Variants in PRKCH observed in about 807,000 individuals in gnomAD.
PRKCH encodes the protein protein kinase C eta type.
PRKCH carries 28 observed loss-of-function variants against 82.5 expected under a neutral mutation model. The ratio of observed to expected loss-of-function variants is 0.34; its 90% CI spans 0.25 to 0.47. PRKCH has a LOEUF of 0.47. PRKCH is among the 20% of genes least tolerant of loss of function. The pLI is 1.00. For synonymous variants in PRKCH, 322 were observed against 327.4 expected, an observed-to-expected ratio of 0.98 and a Z score of 0.18; for missense variants, 705 against 881.8, an observed-to-expected ratio of 0.80 and a Z score of 2.54.
intron 1 of PRKCH, chr14:61,360,953 A>G (rs1377637909): frequency 2.0e-5 from 3 of 152,230 alleles, no homozygotes; most frequent in African/African-American, 4.8e-5. Flanking sequence ...TCTCACATAC[A>G]CTGTTCAAGT....
intron 13 of PRKCH, among the ~76,000 whole-genome samples, chr14:61,548,192 G>A (rs2043283785): frequency 6.6e-6 from 1 of 152,244 alleles, no homozygotes; most frequent in Non-Finnish European, 1.5e-5. Flanking sequence ...TTCCCCAAAA[G>A]AGTTTGGCTA....
intron 1 of PRKCH, among the ~76,000 whole-genome samples, chr14:61,225,890 C>A (rs1297357135): frequency 6.6e-6 from 1 of 152,136 alleles, no homozygotes; most frequent in Non-Finnish European, 1.5e-5. Flanking sequence ...AGGTGTGTGC[C>A]ACCAACACTC....
At chr14:61,423,304 G>A (rs775941405) in intron 2 of PRKCH, among the ~76,000 whole-genome samples, 26 of 152,294 alleles carry the variant, frequency 1.7e-4, no homozygotes, top group Non-Finnish European at 2.8e-4. Flanking sequence ...CACTCATTAC[G>A]ACAGACCCTG....
chr14:61,206,379 T>C (rs2044524063), intron 1 of PRKCH, among the ~76,000 whole-genome samples: 1 of 152,218 alleles, frequency 6.6e-6, no homozygotes, highest in African/African-American at 2.4e-5. Flanking sequence ...CATCTTGACA[T>C]TGCCTTTTTC....
chr14:61,302,699 G>A (rs867567738), intron 1 of PRKCH, among the ~76,000 whole-genome samples: 1 of 152,050 alleles, frequency 6.6e-6, no homozygotes, highest in African/African-American at 2.4e-5. Context: ...ATATCTTATT[G>A]TTATTGATTT....
chr14:61,390,221 C>A (rs910597837), intron 1 of PRKCH, among the ~76,000 whole-genome samples: 2 of 152,182 alleles, frequency 1.3e-5, no homozygotes, highest in African/African-American at 4.8e-5. Flanking sequence ...TGCTGTTCAT[C>A]CTGGGCGCCA....
chr14:61,281,461 A>T (rs1255600624), intron 1 of PRKCH: 1 of 225,058 alleles, frequency 4.4e-6, no homozygotes, highest in Admixed American at 5.9e-5. Flanking sequence ...CACCTGGTAG[A>T]CTCAGTCTCG....
intron 9 of PRKCH, chr14:61,463,506 T>A (rs1885120498): frequency 6.6e-6 from 1 of 152,186 alleles, no homozygotes; most frequent in Non-Finnish European, 1.5e-5. Flanking sequence ...ATACACTGCT[T>A]ACAAGTATAT....
chr14:61,311,737 A>G (rs1808534806), intron 1 of PRKCH, among the ~76,000 whole-genome samples: 1 of 152,216 alleles, frequency 6.6e-6, no homozygotes, highest in Admixed American at 6.5e-5. Flanking sequence ...GGGAGACCTC[A>G]GGAAACTTAT....
rs139720349 is a variant in PRKCH at position 61,507,997 on chromosome 14, C to T, written c.1434-21078C>T. On this transcript the variant is annotated intron_variant, in intron 10 of 13. Coordinates refer to ENST00000332981, the MANE Select transcript of PRKCH (RefSeq NM_006255.5). ...TTGAAGATTATGTACAGGTTTATTG[C>T]ACTGACAGTAGTGATGATTTTACAG... Among the ~76,000 whole-genome samples the T allele has an allele frequency of 1.1e-3, 173 of 152,184 alleles. 1 individual carries two copies. Among genetic ancestry groups the T allele is most frequent in the African/African-American group, 3.9e-3 (161 of 41,468 alleles).
intron 2 of PRKCH, among the ~76,000 whole-genome samples, chr14:61,404,100 T>C (rs894435456): frequency 1.3e-5 from 2 of 152,186 alleles, no homozygotes; most frequent in East Asian, 1.9e-4. Context: ...CCTGTGTCAG[T>C]GGACAGGTAG....
chr14:61,549,551 A>G (rs1235136209), intron 13 of PRKCH, 134 bp from the exon 14 acceptor site: 5 of 993,108 alleles, frequency 5.0e-6, no homozygotes, highest in East Asian at 4.8e-5. Flanking sequence ...CATCATAACA[A>G]TAACTGTAAA....
intron 10 of PRKCH, among the ~76,000 whole-genome samples, chr14:61,527,740 A>G (rs2042985243): frequency 6.6e-6 from 1 of 152,094 alleles, no homozygotes; most frequent in African/African-American, 2.4e-5. Context: ...GAGATTTTTC[A>G]TGGCCCCAGC....
intron 1 of PRKCH, among the ~76,000 whole-genome samples, chr14:61,232,661 T>C (rs2044753741): frequency 6.6e-6 from 1 of 152,224 alleles, no homozygotes; most frequent in Admixed American, 6.5e-5. Flanking sequence ...TCTGTTCCCC[T>C]TCTTTGATGC....
At chr14:61,240,265 C>T (rs1380792541) in intron 1 of PRKCH, among the ~76,000 whole-genome samples, 1 of 152,164 alleles carries the variant, frequency 6.6e-6, no homozygotes, top group Admixed American at 6.5e-5. Context: ...AGCCTCCAAA[C>T]AGAGAAACCC....
At chr14:61,433,910 CTCT>C (rs1485678747) in intron 2 of PRKCH, among the ~76,000 whole-genome samples, 1 of 152,168 alleles carries the variant, frequency 6.6e-6, no homozygotes, top group Non-Finnish European at 1.5e-5. Flanking sequence ...TAAAAAGAAA[CTCT>C]TCATGATAGT....
Position 61,261,839 on chromosome 14 carries a change from G to A in PRKCH, c.-19+74171G>A, listed in dbSNP as rs150446394. ...TGGCAGTTTCTCATAAAGATAAACA[G>A]GCATCTACCCTACAACTCAGCAATT... is the stretch of plus-strand genomic sequence containing the variant. On this transcript the variant is annotated intron_variant, in intron 1 of 3. Transcript: ENST00000555185. 7.2e-3 allele frequency among the ~76,000 whole-genome samples: 1,093 copies of A among 152,068 alleles called. 5 individuals carry two copies. Among genetic ancestry groups the A allele is most frequent in the South Asian group, 0.019 (90 of 4,804 alleles).
intron 1 of PRKCH, among the ~76,000 whole-genome samples, chr14:61,312,876 G>A (rs1017122476): frequency 2.4e-4 from 37 of 152,202 alleles, no homozygotes; most frequent in Non-Finnish European, 3.5e-4. Flanking sequence ...CTCTCCCCCC[G>A]CCTCCCACAG....
At chr14:61,459,963 C>G (rs568338088) in intron 9 of PRKCH, among the ~76,000 whole-genome samples, 1 of 152,086 alleles carries the variant, frequency 6.6e-6, no homozygotes, top group South Asian at 2.1e-4. Flanking sequence ...CCCACCTCAG[C>G]CCCCTGAGAA....
Sources: allele counts gnomAD v4.1 joint callset (sites outside exome capture counted in the v4.1 genomes callset), GRCh38; gene constraint gnomAD v4.1.1; transcripts MANE v1.5; gene names NCBI Gene and HGNC (gene_info 2026-07-23, HGNC 2026-07-21).